Variants in UBE4B observed in about 807,000 individuals in gnomAD.
UBE4B encodes the protein ubiquitin conjugation factor E4 B.
Under a neutral mutation model 148.1 loss-of-function variants are expected in UBE4B, and 27 were observed. That is an observed-to-expected ratio of 0.18 (90% CI 0.13 to 0.25). The LOEUF (loss-of-function observed/expected upper bound fraction) is 0.25. UBE4B is among the 10% of genes least tolerant of loss of function. The probability of loss-of-function intolerance (pLI) is 1.00; values close to 1 mark genes in which losing one functional copy is unlikely to be tolerated. For synonymous variants in UBE4B, 596 were observed against 619.3 expected, an observed-to-expected ratio of 0.96 and a Z score of 0.56; for missense variants, 1,170 against 1,662.4, an observed-to-expected ratio of 0.70 and a Z score of 5.15.
In UBE4B at chr1:10,105,667, G is replaced by T. The variant is rs145174224; in HGVS notation, c.732G>T (p.Leu244Phe). 2.5e-6 allele frequency: 4 copies of T among 1,614,090 alleles called. No homozygotes were observed. In the African/African-American group the frequency reaches 4.0e-5, roughly 16 times the overall value. The change falls in exon 6 of 28, where the codon TTG (leucine) becomes TTT (phenylalanine). Residue 244 changes from leucine to phenylalanine, a missense_variant. Coordinates refer to ENST00000343090, the MANE Select transcript of UBE4B (RefSeq NM_001105562.3). Reference protein sequence around the residue: ...AAARSPDRNLLLNTGSNPGTS... With the variant: ...AAARSPDRNLFLNTGSNPGTS... ...CACGGTCACCAGACAGAAATCTCTT[G>T]CTAAACACTGGCTCCAATCCAGGAA...
At position 10,167,858 on chromosome 1, in the gene UBE4B, G is replaced by A. The variant is rs543868368; in HGVS notation, c.3199-278G>A. ...CCCACCTTGGCTTCGCAAAGTGCTGGGATTACACGCGTGAGCCACCACGCC... is the reference window on the plus strand; with the variant it reads ...CCCACCTTGGCTTCGCAAAGTGCTGAGATTACACGCGTGAGCCACCACGCC... On this transcript the variant is annotated intron_variant, in intron 23 of 27. Transcript: ENST00000343090. Among the ~76,000 whole-genome samples, 4 of 152,234 alleles carry A rather than the reference G, an allele frequency of 2.6e-5. No homozygotes were observed. The East Asian group carries it at 7.7e-4, about 29-fold the overall frequency.
Position 10,161,364 on chromosome 1 carries a change from G to T in UBE4B, c.3198+78G>T. 1 of 1,520,654 alleles carries T rather than the reference G, an allele frequency of 6.6e-7. No homozygotes were observed. The highest frequency in any genetic ancestry group is 8.9e-7 in the Non-Finnish European group (1 of 1,122,876). The allele number at this position is 1,520,654 out of a possible 1,614,324, so 94.2% of individuals were successfully genotyped here. On this transcript the variant is annotated intron_variant, in intron 23 of 27. Transcript: ENST00000343090. This position sits in a 1 kb window ranked among gnomAD's most constrained non-coding sequence, Gnocchi z 4.1. The stretch of plus-strand genomic sequence containing the variant: ...ACACGGGCAGAGCTGCTTTGGGGCT[G>T]CATTTGTGGGTCTGATGATATGCGA...
intron 22 of UBE4B, among the ~76,000 whole-genome samples, chr1:10,158,998 A>G (rs1321069784): frequency 1.3e-5 from 2 of 149,014 alleles, no homozygotes; most frequent in Non-Finnish European, 3.0e-5. Context: ...TGACAGAGCG[A>G]GACTCCGTCT....
intron 25 of UBE4B, among the ~76,000 whole-genome samples, chr1:10,172,567 C>G (rs1646354292): frequency 6.6e-6 from 1 of 152,178 alleles, no homozygotes; most frequent in South Asian, 2.1e-4. Flanking sequence ...GTCTCTGTGT[C>G]TCTGTCTTTG....
intron 1 of UBE4B, among the ~76,000 whole-genome samples, chr1:10,044,685 G>T (rs143382300): frequency 1.3e-5 from 2 of 151,764 alleles, no homozygotes; most frequent in South Asian, 4.2e-4. Context: ...GGGCTCAAGC[G>T]ATCCTCCCAC....
intron 2 of UBE4B, among the ~76,000 whole-genome samples, chr1:10,082,879 A>G (rs1644707719): frequency 6.7e-6 from 1 of 149,164 alleles, no homozygotes. Context: ...TCATTGTTCA[A>G]CTCCCATTTA....
intron 2 of UBE4B, among the ~76,000 whole-genome samples, chr1:10,075,490 G>A (rs1012025076): frequency 1.5e-4 from 23 of 152,058 alleles, no homozygotes; most frequent in African/African-American, 5.6e-4. Context: ...CCCCACTAAA[G>A]CATAAGTGCA....
At chr1:10,122,112 C>G (rs776222912) in intron 10 of UBE4B, 36 bp downstream of exon 10, 1 of 1,448,502 alleles carries the variant, frequency 6.9e-7, no homozygotes, top group African/African-American at 1.4e-5. Flanking sequence ...CAAATTTTAG[C>G]CTGAGAGCCT....
intron 23 of UBE4B, among the ~76,000 whole-genome samples, chr1:10,162,955 T>C (rs1646189801): frequency 1.3e-5 from 2 of 152,044 alleles, no homozygotes; most frequent in East Asian, 1.9e-4. Flanking sequence ...CCAATCAGCA[T>C]AGCTGAAAAT....
chr1:10,099,112 C>T lies in UBE4B; in HGVS notation c.348-1996C>T, dbSNP rs140191968. ...AAAAAATTAGCCGGGCATGGTGGTG[C>T]GTGCCTGTAATCCCAGTTATTTGGG... On this transcript the variant is annotated intron_variant, in intron 3 of 27. Coordinates refer to ENST00000343090, the MANE Select transcript of UBE4B (RefSeq NM_001105562.3). Among the ~76,000 whole-genome samples, 647 of 152,030 alleles carry T rather than the reference C, an allele frequency of 4.3e-3. 1 individual carries two copies. Among genetic ancestry groups the T allele is most frequent in the Non-Finnish European group, 6.2e-3 (420 of 67,986 alleles).
intron 2 of UBE4B, among the ~76,000 whole-genome samples, chr1:10,080,197 G>C (rs866052962): frequency 3.3e-5 from 5 of 152,180 alleles, no homozygotes; most frequent in Middle Eastern, 3.4e-3. Context: ...CGAGATGGAG[G>C]GATCATGAGG....
At position 10,146,249 on chromosome 1, in the gene UBE4B, C is replaced by T. The variant is rs1158446744; in HGVS notation, c.2464-714C>T. Among the ~76,000 whole-genome samples, 3 of 152,136 alleles carry T rather than the reference C, an allele frequency of 2.0e-5. No homozygotes were observed. In the East Asian group the frequency reaches 5.8e-4, roughly 29 times the overall value. ...GGCAGATCACCTGAGGTCAGGAGTTCGAGACCAGCCTGGCCAACATGGTGA... is the reference window on the plus strand; with the variant it reads ...GGCAGATCACCTGAGGTCAGGAGTTTGAGACCAGCCTGGCCAACATGGTGA... On this transcript the variant is annotated intron_variant, in intron 18 of 27. Transcript: ENST00000343090.
chr1:10,179,503 T>C lies in UBE4B; in HGVS notation c.3788T>C (p.Leu1263Pro). 6.2e-7 allele frequency: 1 copy of C among 1,613,984 alleles called. No individual in the cohort carries two copies. Among genetic ancestry groups the C allele is most frequent in the Non-Finnish European group, 8.5e-7 (1 of 1,180,016 alleles). Residue 1263 changes from leucine to proline, a missense_variant, in exon 27 of 28, where the codon CTC (leucine) becomes CCC (proline). Transcript: ENST00000343090. The part of the protein sequence containing the change: ...MDRSIILRHL[L>P]NSPTDPFNRQ... ...CGCTCCATCATCCTGCGGCACCTGC[T>C]CAACTCCCCCACGGACCCCTTCAAC...
chr1:10,110,561 A>G (rs1645201082), intron 7 of UBE4B, among the ~76,000 whole-genome samples: 1 of 152,238 alleles, frequency 6.6e-6, no homozygotes, highest in South Asian at 2.1e-4. Flanking sequence ...TGATCTGAAA[A>G]AAAAAATTAC....
Position 10,106,124 on chromosome 1 carries a change from T to G in UBE4B, c.810-73T>G, listed in dbSNP as rs554208643. The G allele has an allele frequency of 5.5e-6, 8 of 1,466,560 alleles. No homozygotes were observed. In the Admixed American group the frequency reaches 9.1e-5, roughly 17 times the overall value. 90.8% of individuals were successfully genotyped at this position (1,466,560 alleles called of 1,614,324 possible). A position where few individuals can be genotyped will look rare whatever the true frequency, so the allele number is the denominator to read the frequency against. On this transcript the variant is annotated intron_variant, in intron 6 of 27. Transcript: ENST00000343090. This position sits in a 1 kb window ranked among gnomAD's most constrained non-coding sequence, Gnocchi z 4.2. ...GATTCTCCTTTAAAAGCTTGATATT[T>G]TCTGTTTTAGTTAGTTATCTCAAGT...
At chr1:10,051,060 G>A (rs1342299924) in intron 1 of UBE4B, among the ~76,000 whole-genome samples, 1 of 152,136 alleles carries the variant, frequency 6.6e-6, no homozygotes, top group Non-Finnish European at 1.5e-5. Flanking sequence ...AGGCTGGAGT[G>A]CAGTGGCATT....
intron 2 of UBE4B, among the ~76,000 whole-genome samples, chr1:10,087,340 A>G (rs115953956): frequency 6.6e-6 from 1 of 152,360 alleles, no homozygotes; most frequent in African/African-American, 2.4e-5. Context: ...CAGAAAAGTT[A>G]TGAAGATAGT....
At chr1:10,136,969 A>G in intron 16 of UBE4B, 98 bp from the exon 17 acceptor site, 1 of 1,317,124 alleles carries the variant, frequency 7.6e-7, no homozygotes, top group Non-Finnish European at 1.1e-6. Flanking sequence ...TTTAAACTTC[A>G]TAAAAATTCA....
chr1:10,120,877 A>G (rs1029839501), intron 9 of UBE4B, among the ~76,000 whole-genome samples: 1 of 152,108 alleles, frequency 6.6e-6, no homozygotes, highest in African/African-American at 2.4e-5. Flanking sequence ...ATTCACAAAC[A>G]TAACATTACA....
Sources: gnomAD v4.1 joint callset for allele counts (sites outside exome capture counted in the v4.1 genomes callset) on GRCh38, gnomAD v4.1.1 for gene constraint, Gnocchi (gnomAD v3.1) non-coding constraint, MANE v1.5 for transcripts, NCBI Gene and HGNC (gene_info 2026-07-23, HGNC 2026-07-21) for gene names.